Variants in UPF2 observed in about 807,000 individuals in gnomAD.
UPF2 encodes the protein UPF2 regulator of nonsense mediated mRNA decay.
In UPF2, 17 loss-of-function variants were observed where a neutral mutation model predicts 141.4. The ratio of observed to expected loss-of-function variants is 0.12; its 90% CI spans 0.08 to 0.18. UPF2 has a LOEUF of 0.18. UPF2 is among the 10% of genes least tolerant of loss of function. The pLI is 1.00. For missense variants in UPF2, 1,152 were observed against 1,515.9 expected (o/e 0.76, Z 3.99); for synonymous variants, 540 against 498.0 (o/e 1.08, Z -1.12).
intron 16 of UPF2, among the ~76,000 whole-genome samples, chr10:11,945,429 T>C (rs1832988579): frequency 6.6e-6 from 1 of 152,240 alleles, no homozygotes; most frequent in East Asian, 1.9e-4. Flanking sequence ...TCCTTATGTT[T>C]GGAGGGCGGT....
At chr10:11,993,194 A>G (rs2131253522) in intron 8 of UPF2, among the ~76,000 whole-genome samples, 2 of 151,928 alleles carry the variant, frequency 1.3e-5, no homozygotes, top group South Asian at 4.1e-4. Flanking sequence ...ATAATCATTA[A>G]TATCAGATGA....
In UPF2 at chr10:12,029,480, C is replaced by T; in HGVS notation, c.410G>A (p.Arg137Gln). ...ACGAAGTTCCTTTCTTAAATGATGT[C>T]GTTCCCAAGCTTCCTGATGAAGCTG... ...SIQLHQEAWE[R>Q]HHLRKELRSK... is the part of the protein sequence containing the mutation. Residue 137 changes from arginine to glutamine, a missense_variant, in exon 3 of 22, where the codon CGA (arginine) becomes CAA (glutamine). Arg to Gln is a conservative substitution (Grantham distance 43, BLOSUM62 1). Transcript: ENST00000357604. 2 of 1,606,682 alleles carry T rather than the reference C, an allele frequency of 1.2e-6. No homozygotes were observed. Among genetic ancestry groups the T allele is most frequent in the Non-Finnish European group, 8.5e-7 (1 of 1,178,302 alleles).
intron 4 of UPF2, among the ~76,000 whole-genome samples, chr10:12,006,280 G>C (rs1355112211): frequency 2.0e-5 from 3 of 152,170 alleles, no homozygotes; most frequent in Non-Finnish European, 4.4e-5. Context: ...TGGAAAGTAT[G>C]TACCTATTTA....
intron 8 of UPF2, among the ~76,000 whole-genome samples, chr10:11,991,305 A>G (rs558027385): frequency 6.6e-6 from 1 of 152,314 alleles, no homozygotes; most frequent in East Asian, 1.9e-4. Context: ...AGTAAGAAAA[A>G]GACAACACTG....
chr10:11,990,366 C>G (rs903380354), intron 8 of UPF2, among the ~76,000 whole-genome samples: 1 of 152,278 alleles, frequency 6.6e-6, no homozygotes, highest in East Asian at 1.9e-4. Context: ...AAATGCAATG[C>G]CCATGCAGAA....
chr10:11,982,568 C>G (rs1833616858), intron 8 of UPF2, among the ~76,000 whole-genome samples: 1 of 152,202 alleles, frequency 6.6e-6, no homozygotes, highest in Non-Finnish European at 1.5e-5. Flanking sequence ...TTGACCCGTT[C>G]CGAATACTCC....
intron 4 of UPF2, among the ~76,000 whole-genome samples, chr10:12,011,441 T>C (rs1588568374): frequency 6.6e-6 from 1 of 151,548 alleles, no homozygotes; most frequent in East Asian, 2.0e-4. Flanking sequence ...CTACTAAAAA[T>C]GCAAAAATTA....
At position 11,935,263 on chromosome 10, in the gene UPF2, T is replaced by G. The variant is rs1201962486; in HGVS notation, c.3546+1282A>C. On this transcript the variant is annotated intron_variant, in intron 19 of 21. Transcript: ENST00000357604. The surrounding 1 kb of genome is among the most constrained non-coding windows in gnomAD (Gnocchi z 4.9). ...AACGTGACTTGGTGTATTTCTCATATGCCTCCCAACACCAGAATGAAAGCT... is the reference window on the plus strand; with the variant it reads ...AACGTGACTTGGTGTATTTCTCATAGGCCTCCCAACACCAGAATGAAAGCT... Among the ~76,000 whole-genome samples the G allele has an allele frequency of 6.6e-6, 1 of 152,194 alleles. No individual in the cohort carries two copies. The highest frequency in any genetic ancestry group is 2.4e-5 in the African/African-American group (1 of 41,446).
At position 11,974,811 on chromosome 10, in the gene UPF2, G is replaced by A. The variant is rs186219001; in HGVS notation, c.1953+4246C>T. 3.1e-4 allele frequency among the ~76,000 whole-genome samples: 47 copies of A among 152,302 alleles called. 1 individual carries two copies. Among genetic ancestry groups the A allele is most frequent in the African/African-American group, 1.1e-3 (45 of 41,560 alleles). On this transcript the variant is annotated intron_variant, in intron 9 of 21. Coordinates refer to ENST00000357604, the MANE Select transcript of UPF2 (RefSeq NM_015542.4). Reference sequence around the variant, plus strand: ...ACTCTTTAAAAACTTTTGTGAACCAGTGATCTCCAAAGTAGAGTGCATAAG... The same window carrying A: ...ACTCTTTAAAAACTTTTGTGAACCAATGATCTCCAAAGTAGAGTGCATAAG...
chr10:11,980,237 A>G lies in UPF2; in HGVS notation c.1845-1072T>C, dbSNP rs1035979517. On this transcript the variant is annotated intron_variant, in intron 8 of 21. Transcript: ENST00000357604. This position sits in a 1 kb window ranked among gnomAD's most constrained non-coding sequence, Gnocchi z 4.2. The stretch of plus-strand genomic sequence containing the variant: ...ATTCCTGCCATAGATGTTATTTTGT[A>G]AAACCTGATTAATCAATGATTCAAC... 6.6e-6 allele frequency among the ~76,000 whole-genome samples: 1 copy of G among 152,226 alleles called. No homozygotes were observed. The highest frequency in any genetic ancestry group is 1.5e-5 in the Non-Finnish European group (1 of 68,036).
At position 12,035,065 on chromosome 10, in the gene UPF2, T is replaced by C. The variant is rs1834597205; in HGVS notation, c.359A>G (p.Gln120Arg). 6.4e-7 allele frequency: 1 copy of C among 1,562,916 alleles called. No individual in the cohort carries two copies. The highest frequency in any genetic ancestry group is 8.6e-7 in the Non-Finnish European group (1 of 1,165,358). Residue 120 changes from glutamine (Q) to arginine (R), a missense_variant, in exon 2 of 22, where the codon CAG (glutamine) becomes CGG (arginine). Coordinates refer to ENST00000357604, the MANE Select transcript of UPF2 (RefSeq NM_015542.4). ...KRQQEEEAAA[Q>R]MKEKEESIQL... ...ATACAATCAACTGCCTTACTTCATC[T>C]GAGCAGCTGCTTCTTCTTCTTGCTG...
At position 12,034,818 on chromosome 10, in the gene UPF2, A is replaced by G. The variant is rs1834593356; in HGVS notation, c.365+241T>C. On this transcript the variant is annotated intron_variant, in intron 2 of 21. Coordinates refer to ENST00000357604, the MANE Select transcript of UPF2 (RefSeq NM_015542.4). ...AAATTCCGTCTCAAAATAAATAAAT[A>G]AAAGATTACCCAGGACCTCAAAACA... 3.9e-5 allele frequency among the ~76,000 whole-genome samples: 6 copies of G among 152,270 alleles called. No homozygotes were observed. The South Asian group carries it at 1.2e-3, about 32-fold the overall frequency.
In UPF2 at chr10:12,016,299, A is replaced by G. The variant is rs1230513172; in HGVS notation, c.1146-2115T>C. ...AGCTGGTCTCAAACTCCTGGCCTCA[A>G]GCAATCCTCCCACCTCAAACTCCCA... is the stretch of plus-strand genomic sequence containing the variant. On this transcript the variant is annotated intron_variant, in intron 3 of 21. Coordinates refer to ENST00000357604, the MANE Select transcript of UPF2 (RefSeq NM_015542.4). This position sits in a 1 kb window ranked among gnomAD's most constrained non-coding sequence, Gnocchi z 4.1. Among the ~76,000 whole-genome samples the G allele has an allele frequency of 6.6e-6, 1 of 152,136 alleles. No homozygotes were observed. The highest frequency in any genetic ancestry group is 1.9e-4 in the East Asian group (1 of 5,182).
At chr10:12,031,182 AAAAAAAAAC>A (rs1834517261) in intron 2 of UPF2, among the ~76,000 whole-genome samples, 1 of 151,472 alleles carries the variant, frequency 6.6e-6, no homozygotes, top group Admixed American at 6.6e-5. Context: ...TCAAAAAAAA[AAAAAAAAAC>A]AAAACAGTTT....
At chr10:11,957,709 G>C (rs1833175712) in intron 12 of UPF2, among the ~76,000 whole-genome samples, 1 of 151,940 alleles carries the variant, frequency 6.6e-6, no homozygotes, top group Admixed American at 6.5e-5. Flanking sequence ...TAGAAATGAG[G>C]GTTTCGCCAT....
chr10:12,034,329 T>TA lies in UPF2; in HGVS notation c.365+729_365+730insT, dbSNP rs1340897927. On this transcript the variant is annotated intron_variant, in intron 2 of 21. Coordinates refer to ENST00000357604, the MANE Select transcript of UPF2 (RefSeq NM_015542.4). ...AAAAGTTTTTATTTTATTATTTTAT[T>TA]TTTTTTTTTTTGAGATGCAGTCTTG... Among the ~76,000 whole-genome samples the TA allele has an allele frequency of 4.8e-4, 72 of 149,252 alleles. 1 individual carries two copies. The highest frequency in any genetic ancestry group is 1.4e-3 in the African/African-American group (58 of 40,490).
At chr10:12,029,957 C>CAAAAAAAAAAAAACAAAAA (rs1834487578) in intron 2 of UPF2, among the ~76,000 whole-genome samples, 1 of 71,196 alleles carries the variant, frequency 1.4e-5, no homozygotes, top group Non-Finnish European at 2.9e-5. Flanking sequence ...GACTCCGTCT[C>CAAAAAAAAAAAAACAAAAA]AAAAAAAAAA....
At chr10:11,991,536 A>G (rs995360587) in intron 8 of UPF2, among the ~76,000 whole-genome samples, 2 of 152,152 alleles carry the variant, frequency 1.3e-5, no homozygotes, top group Middle Eastern at 3.2e-3. Context: ...ACCAAGAACT[A>G]TTTATCCTAG....
chr10:11,936,464 C>T lies in UPF2; in HGVS notation c.3546+81G>A. The T allele has an allele frequency of 1.4e-6, 2 of 1,408,018 alleles. No individual in the cohort carries two copies. The highest frequency in any genetic ancestry group is 9.5e-7 in the Non-Finnish European group (1 of 1,049,888). The allele number at this position is 1,408,018 out of a possible 1,614,324, so 87.2% of individuals were successfully genotyped here. On this transcript the variant is annotated intron_variant, in intron 19 of 21. Coordinates refer to ENST00000357604, the MANE Select transcript of UPF2 (RefSeq NM_015542.4). The surrounding 1 kb of genome is among the most constrained non-coding windows in gnomAD (Gnocchi z 6.6). ...TGGTTTAAAACTGTCCAACCCTTAT[C>T]CCCTTGTAGGTCAAAGATAAGTTAA...
Sources: gnomAD v4.1 joint callset for allele counts (sites outside exome capture counted in the v4.1 genomes callset) on GRCh38, gnomAD v4.1.1 for gene constraint, Gnocchi (gnomAD v3.1) non-coding constraint, MANE v1.5 for transcripts, NCBI Gene and HGNC (gene_info 2026-07-23, HGNC 2026-07-21) for gene names.